Variants in SAP30BP observed in about 807,000 individuals in gnomAD.
The protein encoded by SAP30BP is SAP30-binding protein.
A neutral mutation model predicts 46.3 loss-of-function variants in SAP30BP; 31 were observed. The observed-to-expected ratio is 0.67, with a 90% CI of 0.50 to 0.90. The LOEUF is 0.90. Among genes scored for constraint, SAP30BP ranks in the 40% least tolerant of loss-of-function variants. SAP30BP has a pLI of 0.00. For synonymous variants in SAP30BP, 169 were observed against 144.2 expected (o/e 1.17, Z -1.23); for missense variants, 312 against 391.0 (o/e 0.80, Z 1.70).
At chr17:75,680,241 G>A (rs909853201) in intron 3 of SAP30BP, among the ~76,000 whole-genome samples, 4 of 152,140 alleles carry the variant, frequency 2.6e-5, no homozygotes, top group Admixed American at 6.5e-5. Context: ...ACAAAATTCC[G>A]TCTTCTGGGT....
chr17:75,698,770 A>T (rs1297514141), intron 4 of SAP30BP, among the ~76,000 whole-genome samples: 3 of 152,238 alleles, frequency 2.0e-5, no homozygotes, highest in African/African-American at 7.2e-5. Context: ...GAAATTGGCC[A>T]TGGCAGGAGA....
At chr17:75,674,268 C>T (rs1219657818) in intron 3 of SAP30BP, among the ~76,000 whole-genome samples, 3 of 152,050 alleles carry the variant, frequency 2.0e-5, no homozygotes, top group Non-Finnish European at 4.4e-5. Flanking sequence ...AACTTTCTGG[C>T]ACATTTACAT....
rs2060268651 is a variant in SAP30BP at position 75,693,428 on chromosome 17, T to G, written c.265-12T>G. ...CCAGTCTTACCTCCTCGTATTTGTT[T>G]GTCTTTTGCAGGATAATACAGAAGC... On this transcript the variant is annotated splice_polypyrimidine_tract_variant and intron_variant, in intron 3 of 10. Coordinates refer to ENST00000584667, the MANE Select transcript of SAP30BP (RefSeq NM_013260.8). 1.9e-6 allele frequency: 3 copies of G among 1,613,448 alleles called. No individual in the cohort carries two copies. The highest frequency in any genetic ancestry group is 2.5e-6 in the Non-Finnish European group (3 of 1,179,422).
intron 7 of SAP30BP, 33 bp downstream of exon 7, chr17:75,703,404 G>A: frequency 6.3e-7 from 1 of 1,585,676 alleles, no homozygotes; most frequent in Non-Finnish European, 8.6e-7. Context: ...GAGGGTGATG[G>A]GGACACCCAG....
intron 3 of SAP30BP, chr17:75,684,469 G>A (rs1048723427): frequency 4.6e-5 from 7 of 152,204 alleles, no homozygotes; most frequent in Admixed American, 4.6e-4. Flanking sequence ...ACTCACCCAG[G>A]ACCAGAGAAG....
Position 75,667,355 on chromosome 17 carries a change from C to T in SAP30BP, c.-18C>T. On this transcript the variant is annotated 5_prime_UTR_variant, in exon 1 of 11. Coordinates refer to ENST00000584667, the MANE Select transcript of SAP30BP (RefSeq NM_013260.8). ...CTTGAGTCATAGGAGTGAGCCACGC[C>T]CGGGCTGTGGGAATAAGATGGCGGG... 1 of 1,613,756 alleles carries T rather than the reference C, an allele frequency of 6.2e-7. No homozygotes were observed. Among genetic ancestry groups the T allele is most frequent in the Non-Finnish European group, 8.5e-7 (1 of 1,179,714 alleles).
intron 3 of SAP30BP, among the ~76,000 whole-genome samples, chr17:75,681,383 A>G (rs544497725): frequency 6.6e-6 from 1 of 152,320 alleles, no homozygotes; most frequent in African/African-American, 2.4e-5. Context: ...ATTCATACCC[A>G]TCCTGAAGAA....
At position 75,678,801 on chromosome 17, in the gene SAP30BP, T is replaced by C. The variant is rs897273326; in HGVS notation, c.264+6938T>C. ...CAGAAGACTCGGGAAGAGCCGGGGT[T>C]GCGCTCTGGTGTTTGAAGGTCTGCT... On this transcript the variant is annotated intron_variant, in intron 3 of 10. Coordinates refer to ENST00000584667, the MANE Select transcript of SAP30BP (RefSeq NM_013260.8). 2.6e-5 allele frequency among the ~76,000 whole-genome samples: 4 copies of C among 152,288 alleles called. No homozygotes were observed. In the South Asian group the frequency reaches 6.2e-4, roughly 24 times the overall value.
chr17:75,687,140 C>T (rs1303522917), intron 3 of SAP30BP, among the ~76,000 whole-genome samples: 3 of 152,204 alleles, frequency 2.0e-5, no homozygotes, highest in Non-Finnish European at 4.4e-5. Context: ...AATTGAAGAG[C>T]TTAGCATAAT....
In SAP30BP at chr17:75,704,685, A is replaced by G. The variant is rs1468870894; in HGVS notation, c.602-71A>G. On this transcript the variant is annotated intron_variant, in intron 8 of 10. Transcript: ENST00000584667. ...TTAGCCCGCTGAAAAGAACGCAGGGATCAGAGTAGGCTCCCTCAGCCCAGA... is the reference window on the plus strand; with the variant it reads ...TTAGCCCGCTGAAAAGAACGCAGGGGTCAGAGTAGGCTCCCTCAGCCCAGA... The G allele has an allele frequency of 2.6e-6, 3 of 1,136,890 alleles. No homozygotes were observed. In the East Asian group the frequency reaches 7.0e-5, roughly 27 times the overall value. The allele number at this position is 1,136,890 out of a possible 1,614,324, so 70.4% of individuals were successfully genotyped here.
intron 3 of SAP30BP, chr17:75,679,765 G>A (rs1014092803): frequency 2.0e-5 from 3 of 152,068 alleles, no homozygotes; most frequent in Non-Finnish European, 4.4e-5. Flanking sequence ...TTGTCTCTTC[G>A]GTAAGCAGCA....
At chr17:75,703,885 T>C (rs772465166) in intron 8 of SAP30BP, 26 bp downstream of exon 8, 1 of 1,562,654 alleles carries the variant, frequency 6.4e-7, no homozygotes, top group African/African-American at 1.4e-5. Flanking sequence ...TCCTCCCATA[T>C]ACCTTGTCCG....
rs371141685 is a variant in SAP30BP, at chr17:75,703,779, A to T, written c.550-29A>T. The T allele has an allele frequency of 2.6e-5, 41 of 1,606,750 alleles. No individual in the cohort carries two copies. In the African/African-American group the frequency reaches 5.3e-4, roughly 21 times the overall value. On this transcript the variant is annotated intron_variant, in intron 7 of 10. Coordinates refer to ENST00000584667, the MANE Select transcript of SAP30BP (RefSeq NM_013260.8). ...AACTTGGGTTTCTGAGTCATTTGTC[A>T]TCTGAGTCATTCGCCTTTTCCTTTG...
intron 3 of SAP30BP, among the ~76,000 whole-genome samples, chr17:75,675,695 G>T (rs2059979430): frequency 6.6e-6 from 1 of 152,100 alleles, no homozygotes; most frequent in Non-Finnish European, 1.5e-5. Flanking sequence ...TGGGCAGATT[G>T]GTTGAGCCCA....
rs774184628 is a variant in SAP30BP at position 75,706,572 on chromosome 17, TGCCCAG to T, written c.*52_*57del. The T allele has an allele frequency of 7.1e-6, 11 of 1,546,030 alleles. No individual in the cohort carries two copies. Among genetic ancestry groups the T allele is most frequent in the Non-Finnish European group, 8.9e-6 (10 of 1,125,278 alleles). ...AAGGACCGTGCAGCCCAGTGACCAC[TGCCCAG>T]TGGGAGGCGCCACTTTGTATATTTC... On this transcript the variant is annotated 3_prime_UTR_variant, in exon 11 of 11. Transcript: ENST00000584667. The surrounding 1 kb of genome is among the most constrained non-coding windows in gnomAD (Gnocchi z 4.6).
rs753076988 is a variant in SAP30BP at position 75,668,515 on chromosome 17, G to C, written c.107-1G>C. ...TGTTTGTTTGTTTTTTAACCTTTCA[G>C]AGGAGAAAGGCGGATTGGTATCTGA... On this transcript the variant is annotated splice_acceptor_variant, in intron 1 of 10. Transcript: ENST00000584667. LOFTEE classifies it high-confidence loss of function. 6.6e-7 allele frequency: 1 copy of C among 1,524,566 alleles called. No homozygotes were observed. Among genetic ancestry groups the C allele is most frequent in the Non-Finnish European group, 8.8e-7 (1 of 1,130,376 alleles). 94.4% of individuals were successfully genotyped at this position (1,524,566 alleles called of 1,614,324 possible).
At position 75,702,463 on chromosome 17, in the gene SAP30BP, T is replaced by A; in HGVS notation, c.397-17T>A. On this transcript the variant is annotated splice_polypyrimidine_tract_variant and intron_variant, in intron 5 of 10. Coordinates refer to ENST00000584667, the MANE Select transcript of SAP30BP (RefSeq NM_013260.8). ...TTCTGTCATACACCCCCCCACCCCC[T>A]CTGCTCCTCTTCACAGGACAAGATC... 11 of 1,255,796 alleles carry A rather than the reference T, an allele frequency of 8.8e-6. No individual in the cohort carries two copies. The highest frequency in any genetic ancestry group is 1.2e-5 in the Non-Finnish European group (10 of 861,460). The allele number at this position is 1,255,796 out of a possible 1,614,324, so 77.8% of individuals were successfully genotyped here. A position where few individuals can be genotyped will look rare whatever the true frequency, so the allele number is the denominator to read the frequency against.
At chr17:75,680,493 A>G (rs544234325) in intron 3 of SAP30BP, among the ~76,000 whole-genome samples, 47 of 152,066 alleles carry the variant, frequency 3.1e-4, no homozygotes, top group African/African-American at 1.1e-3. Flanking sequence ...CTTAAGCTTC[A>G]CTCGGCTCCA....
chr17:75,693,409 T>G, intron 3 of SAP30BP, 31 bp from the exon 4 acceptor site: 1 of 1,605,784 alleles, frequency 6.2e-7, no homozygotes, highest in Non-Finnish European at 8.5e-7. Flanking sequence ...AGCCCCAGTC[T>G]TACCTCCTCG....
Sources: gnomAD v4.1 joint callset for allele counts (sites outside exome capture counted in the v4.1 genomes callset) on GRCh38, gnomAD v4.1.1 for gene constraint, Gnocchi (gnomAD v3.1) non-coding constraint, MANE v1.5 for transcripts, NCBI Gene and HGNC (gene_info 2026-07-23, HGNC 2026-07-21) for gene names.